Variants in CTNNA3 observed in about 807,000 individuals in gnomAD.
The protein encoded by CTNNA3 is catenin alpha 3, also known as catenin alpha-3.
Under a neutral mutation model 95.7 loss-of-function variants are expected in CTNNA3, and 76 were observed. The observed-to-expected ratio is 0.79, with a 90% CI of 0.66 to 0.96. The LOEUF (loss-of-function observed/expected upper bound fraction) is 0.96. CTNNA3 is among the 40% of genes least tolerant of loss of function. The pLI is 0.00. For missense variants in CTNNA3, 1,191 were observed against 1,089.8 expected (o/e 1.09, Z -1.31); for synonymous variants, 431 against 374.4 (o/e 1.15, Z -1.74).
rs532985643 is a variant in CTNNA3 at position 66,736,312 on chromosome 10, A to G, written c.1281+29952T>C. 1.6e-3 allele frequency among the ~76,000 whole-genome samples: 243 copies of G among 151,528 alleles called. 1 individual carries two copies. Among genetic ancestry groups the G allele is most frequent in the African/African-American group, 5.5e-3 (228 of 41,290 alleles). On this transcript the variant is annotated intron_variant, in intron 9 of 17. Transcript: ENST00000433211. ...GCAATTCTCCTGCCTCAGCCTCCCG[A>G]GTAGCTGGGACTACAGGCGCACGCC...
intron 9 of CTNNA3, among the ~76,000 whole-genome samples, chr10:66,762,303 G>A (rs1839632185): frequency 6.6e-6 from 1 of 152,030 alleles, no homozygotes; most frequent in Non-Finnish European, 1.5e-5. Context: ...ACTATGTGAA[G>A]ATGACTTTTA....
intron 10 of CTNNA3, among the ~76,000 whole-genome samples, chr10:66,545,537 C>T (rs996945501): frequency 1.3e-5 from 2 of 152,012 alleles, no homozygotes; most frequent in Non-Finnish European, 2.9e-5. Context: ...TCAGTGTCTT[C>T]AGATTATGTG....
intron 1 of CTNNA3, among the ~76,000 whole-genome samples, chr10:67,677,890 A>G (rs1171631698): frequency 6.6e-6 from 1 of 152,172 alleles, no homozygotes; most frequent in Admixed American, 6.5e-5. Flanking sequence ...CTAGGGTTAA[A>G]TTCACCTCCA....
intron 5 of CTNNA3, among the ~76,000 whole-genome samples, chr10:67,287,229 T>C (rs1357641257): frequency 6.6e-6 from 1 of 151,960 alleles, no homozygotes; most frequent in African/African-American, 2.4e-5. Context: ...TCCCAGCTAC[T>C]TGGGAAGCTG....
At chr10:66,483,259 G>C (rs1839605203) in intron 11 of CTNNA3, among the ~76,000 whole-genome samples, 2 of 152,076 alleles carry the variant, frequency 1.3e-5, no homozygotes, top group Non-Finnish European at 2.9e-5. Context: ...TCAAGATTGT[G>C]GAAAACAAGA....
chr10:66,095,476 G>T (rs185290247), intron 14 of CTNNA3, among the ~76,000 whole-genome samples: 1 of 152,106 alleles, frequency 6.6e-6, no homozygotes, highest in East Asian at 1.9e-4. Context: ...TGGTAATGAG[G>T]TCATGTGTCC....
chr10:67,443,716 GTTGTGAAAATT>G (rs1288619664), intron 5 of CTNNA3, among the ~76,000 whole-genome samples: 9 of 152,028 alleles, frequency 5.9e-5, no homozygotes, highest in African/African-American at 2.2e-4. Context: ...AGATGAGTAG[GTTGTGAAAATT>G]TTCTCCCATT....
intron 10 of CTNNA3, among the ~76,000 whole-genome samples, chr10:66,542,282 C>T (rs1204268338): frequency 6.6e-6 from 1 of 152,062 alleles, no homozygotes; most frequent in Admixed American, 6.6e-5. Flanking sequence ...CACTTTTACA[C>T]TGTTGGTGGG....
chr10:67,164,070 T>G (rs1861660935), intron 7 of CTNNA3, among the ~76,000 whole-genome samples: 1 of 140,002 alleles, frequency 7.1e-6, no homozygotes, highest in Admixed American at 6.8e-5. Context: ...CAAGTTTTTA[T>G]AATTCTTATA....
intron 5 of CTNNA3, among the ~76,000 whole-genome samples, chr10:67,260,127 C>T (rs1564518388): frequency 2.0e-5 from 3 of 152,166 alleles, no homozygotes; most frequent in Admixed American, 6.6e-5. Flanking sequence ...AACCCAATAA[C>T]GGCATCGTTT....
At chr10:66,690,333 T>A (rs1847472926) in intron 9 of CTNNA3, among the ~76,000 whole-genome samples, 2 of 152,088 alleles carry the variant, frequency 1.3e-5, no homozygotes, top group Admixed American at 1.3e-4. Flanking sequence ...TCTTTTTTTA[T>A]TATTATTATA....
At chr10:66,368,460 A>G (rs568798378) in intron 12 of CTNNA3, among the ~76,000 whole-genome samples, 1 of 151,700 alleles carries the variant, frequency 6.6e-6, no homozygotes, top group South Asian at 2.1e-4. Context: ...TGCCATTAAG[A>G]GTTTATTCCC....
chr10:66,439,410 A>G (rs2093360803), intron 11 of CTNNA3, among the ~76,000 whole-genome samples: 1 of 152,176 alleles, frequency 6.6e-6, no homozygotes, highest in South Asian at 2.1e-4. Flanking sequence ...AAAGATTTGA[A>G]TTTTAATCAC....
rs571682145 is a variant in CTNNA3, at chr10:66,926,700, G to A, written c.1048-151176C>T. 6 of 1,271,972 alleles carry A rather than the reference G, an allele frequency of 4.7e-6. No individual in the cohort carries two copies. The African/African-American group carries it at 6.0e-5, about 13-fold the overall frequency. 78.8% of individuals were successfully genotyped at this position (1,271,972 alleles called of 1,614,324 possible). On this transcript the variant is annotated intron_variant, in intron 7 of 17. Coordinates refer to ENST00000433211, the MANE Select transcript of CTNNA3 (RefSeq NM_013266.4). ...TAGAGATTACCTTGCTCTGCTCTAA[G>A]ACTATGAATTTATTTGCTTAGTGGC... is the stretch of plus-strand genomic sequence containing the variant.
intron 11 of CTNNA3, among the ~76,000 whole-genome samples, chr10:66,450,299 A>G (rs2093454927): frequency 1.3e-5 from 2 of 152,172 alleles, no homozygotes; most frequent in South Asian, 4.1e-4. Context: ...AAATAAAAAC[A>G]CTTTGTTTGG....
chr10:66,460,321 T>C (rs1013051793), intron 11 of CTNNA3, among the ~76,000 whole-genome samples: 1 of 152,190 alleles, frequency 6.6e-6, no homozygotes, highest in Non-Finnish European at 1.5e-5. Context: ...TACTATACCA[T>C]CTACTTTACC....
intron 13 of CTNNA3, among the ~76,000 whole-genome samples, chr10:66,186,779 C>T (rs1413975865): frequency 6.6e-6 from 1 of 152,012 alleles, no homozygotes; most frequent in African/African-American, 2.4e-5. Flanking sequence ...CAGCAGTAAT[C>T]CCAATATTAC....
At chr10:66,004,865 A>G (rs1464815353) in intron 15 of CTNNA3, among the ~76,000 whole-genome samples, 2 of 152,194 alleles carry the variant, frequency 1.3e-5, no homozygotes, top group Admixed American at 1.3e-4. Flanking sequence ...CAATTCTTGC[A>G]TTAGTTTCTT....
At chr10:66,028,072 C>T (rs2079376479) in intron 15 of CTNNA3, among the ~76,000 whole-genome samples, 1 of 152,108 alleles carries the variant, frequency 6.6e-6, no homozygotes, top group Non-Finnish European at 1.5e-5. Context: ...TAAATATGAA[C>T]AGCGATCCAA....
Sources: allele counts gnomAD v4.1 joint callset (sites outside exome capture counted in the v4.1 genomes callset), GRCh38; gene constraint gnomAD v4.1.1; transcripts MANE v1.5; gene names NCBI Gene and HGNC (gene_info 2026-07-23, HGNC 2026-07-21).